PDS5A: variants seen among roughly 807,000 people sequenced by gnomAD.
PDS5A encodes PDS5 cohesin associated factor A.
A neutral mutation model predicts 167.1 loss-of-function variants in PDS5A; 42 were observed. The observed-to-expected ratio is 0.25, with a 90% CI of 0.20 to 0.33. The LOEUF (loss-of-function observed/expected upper bound fraction) is 0.33, where lower values mean the gene tolerates loss of function less well. Ranked by LOEUF, PDS5A falls within the 10% of genes least tolerant of loss-of-function variation. The pLI is 1.00. For synonymous variants in PDS5A, 553 were observed against 554.6 expected (o/e 1.00, Z 0.04); for missense variants, 1,033 against 1,605.9 (o/e 0.64, Z 6.10).
At chr4:39,856,789 C>A (rs1209203645) in intron 26 of PDS5A, among the ~76,000 whole-genome samples, 1 of 152,080 alleles carries the variant, frequency 6.6e-6, no homozygotes, top group Admixed American at 6.5e-5. Context: ...GCACTCCAGC[C>A]TGGGCAACAG....
chr4:39,855,230 G>A (rs1718438162), intron 26 of PDS5A, among the ~76,000 whole-genome samples: 1 of 152,154 alleles, frequency 6.6e-6, no homozygotes, highest in African/African-American at 2.4e-5. Flanking sequence ...CTATGTCAGG[G>A]TCACAGGCTG....
At chr4:39,900,030 GT>G (rs1722743968) in intron 14 of PDS5A, among the ~76,000 whole-genome samples, 1 of 151,690 alleles carries the variant, frequency 6.6e-6, no homozygotes, top group Non-Finnish European at 1.5e-5. Context: ...TTCTTTTTTA[GT>G]TTGCCATTGG....
Position 39,898,467 on chromosome 4 carries a change from G to T in PDS5A, c.1692C>A (p.Gly564=). Reference sequence around the variant, plus strand: ...ACTGAGACCGAAGTTTCTCATCATCGCCGAGAACCTGGTTAAATTTCTTCA... The same window carrying T: ...ACTGAGACCGAAGTTTCTCATCATCTCCGAGAACCTGGTTAAATTTCTTCA... The part of the protein sequence containing the change: ...DFVKKFNQVL[G]DDEKLRSQLE... Residue 564 remains glycine, a synonymous_variant, in exon 16 of 33, where the codon GGC becomes GGA. Coordinates refer to ENST00000303538, the MANE Select transcript of PDS5A (RefSeq NM_001100399.2). 1 of 1,599,714 alleles carries T rather than the reference G, an allele frequency of 6.3e-7. No homozygotes were observed.
intron 2 of PDS5A, chr4:39,932,853 C>G (rs1726211442): frequency 6.6e-6 from 1 of 151,416 alleles, no homozygotes; most frequent in South Asian, 2.1e-4. Context: ...AGAACATGCA[C>G]TAACATGAGG....
chr4:39,841,446 A>ATTCT (rs1717006755), intron 31 of PDS5A, among the ~76,000 whole-genome samples: 1 of 151,984 alleles, frequency 6.6e-6, no homozygotes, highest in South Asian at 2.1e-4. Context: ...CTCAATTCCT[A>ATTCT]TTCTTTAAAA....
chr4:39,966,826 C>T (rs1285771248), intron 2 of PDS5A, among the ~76,000 whole-genome samples: 16 of 151,448 alleles, frequency 1.1e-4, no homozygotes, highest in Admixed American at 6.6e-4. Context: ...GGTGAAACCC[C>T]GTCTCTACTA....
intron 2 of PDS5A, among the ~76,000 whole-genome samples, chr4:39,958,836 T>C (rs113090250): frequency 0.045 from 6,879 of 152,200 alleles, 176 homozygotes; most frequent in Middle Eastern, 0.058. Context: ...CTCAAGCTCC[T>C]GGCCTCAAGT....
At chr4:39,882,394 C>G (rs556471874) in intron 17 of PDS5A, among the ~76,000 whole-genome samples, 1 of 152,288 alleles carries the variant, frequency 6.6e-6, no homozygotes, top group South Asian at 2.1e-4. Context: ...TCTAAGAAAT[C>G]TTTGCCTATC....
At chr4:39,883,097 C>A (rs1268782864) in intron 17 of PDS5A, among the ~76,000 whole-genome samples, 1 of 152,166 alleles carries the variant, frequency 6.6e-6, no homozygotes, top group Admixed American at 6.5e-5. Flanking sequence ...CTTCTTCTTG[C>A]TCTGCTTCCT....
intron 2 of PDS5A, among the ~76,000 whole-genome samples, chr4:39,970,683 T>C (rs1231233923): frequency 6.6e-6 from 1 of 151,760 alleles, no homozygotes; most frequent in Non-Finnish European, 1.5e-5. Flanking sequence ...GTTACTTGAA[T>C]ACTTTGGCCT....
intron 2 of PDS5A, among the ~76,000 whole-genome samples, chr4:39,959,719 C>T (rs1729299052): frequency 6.6e-6 from 1 of 152,004 alleles, no homozygotes. Flanking sequence ...CATTGGGAGA[C>T]CGAGGCAGGT....
intron 16 of PDS5A, among the ~76,000 whole-genome samples, chr4:39,897,347 A>G (rs1208571716): frequency 1.3e-5 from 2 of 152,158 alleles, no homozygotes; most frequent in Non-Finnish European, 2.9e-5. Context: ...GTGAGGTGAG[A>G]TAATCACTTG....
intron 26 of PDS5A, among the ~76,000 whole-genome samples, chr4:39,858,660 A>G (rs1332489953): frequency 2.6e-5 from 4 of 152,140 alleles, no homozygotes; most frequent in African/African-American, 9.7e-5. Flanking sequence ...TTTCACTCTT[A>G]TTGCCCAGGC....
At position 39,898,813 on chromosome 4, in the gene PDS5A, A is replaced by T; in HGVS notation, c.1594T>A (p.Cys532Ser). The change falls in exon 15 of 33, where the codon TGT becomes AGT. Residue 532 changes from cysteine (C) to serine (S), a missense_variant. Coordinates refer to ENST00000303538, the MANE Select transcript of PDS5A (RefSeq NM_001100399.2). ...ATCAGTTTTCCAAACATGGCAGAAC[A>T]GTTAGCCTCTGACTGAAATTTAAAA... ...LHKQPTSEAN[C>S]SAMFGKLMTI... The T allele has an allele frequency of 1.9e-6, 3 of 1,590,992 alleles. No individual in the cohort carries two copies. Among genetic ancestry groups the T allele is most frequent in the Non-Finnish European group, 2.6e-6 (3 of 1,165,958 alleles).
intron 28 of PDS5A, chr4:39,846,104 A>G (rs1293686642): frequency 3.3e-6 from 1 of 303,924 alleles, no homozygotes; most frequent in African/African-American, 2.1e-5. Flanking sequence ...AATGTCAAAG[A>G]TAAATTTCCT....
intron 17 of PDS5A, among the ~76,000 whole-genome samples, chr4:39,885,417 C>T (rs1043202185): frequency 2.0e-5 from 3 of 150,544 alleles, no homozygotes; most frequent in East Asian, 2.0e-4. Context: ...CTGGGCAACA[C>T]GGCAAAACTG....
intron 2 of PDS5A, among the ~76,000 whole-genome samples, chr4:39,948,460 G>A (rs1223641182): frequency 6.6e-6 from 1 of 151,342 alleles, no homozygotes; most frequent in Non-Finnish European, 1.5e-5. Flanking sequence ...GAGTAGCTGG[G>A]TTTATAGGCG....
chr4:39,960,162 C>T (rs1056545751), intron 2 of PDS5A, among the ~76,000 whole-genome samples: 19 of 151,728 alleles, frequency 1.3e-4, no homozygotes, highest in African/African-American at 3.6e-4. Context: ...CCCAACTACT[C>T]GGGAGGCTAA....
At chr4:39,891,710 G>A (rs1181575063) in intron 16 of PDS5A, among the ~76,000 whole-genome samples, 1 of 152,058 alleles carries the variant, frequency 6.6e-6, no homozygotes, top group Non-Finnish European at 1.5e-5. Flanking sequence ...TTTCAGTTCT[G>A]GAAGAACATA....
Sources: gnomAD v4.1 joint callset for allele counts (sites outside exome capture counted in the v4.1 genomes callset) on GRCh38, gnomAD v4.1.1 for gene constraint, MANE v1.5 for transcripts, NCBI Gene and HGNC (gene_info 2026-07-23, HGNC 2026-07-21) for gene names.